NCOA7: variants seen among roughly 807,000 people sequenced by gnomAD.
NCOA7 encodes the protein nuclear receptor coactivator 7, also known as 140 kDa estrogen receptor-associated protein.
NCOA7 carries 45 observed loss-of-function variants against 104.3 expected under a neutral mutation model. The observed-to-expected ratio is 0.43, with a 90% CI of 0.34 to 0.55. The LOEUF is 0.55. Ranked by LOEUF, NCOA7 falls within the 20% of genes least tolerant of loss-of-function variation. The pLI, the probability that NCOA7 is intolerant of heterozygous loss-of-function variation, is 0.02. For missense variants in NCOA7, 1,041 were observed against 1,119.7 expected (o/e 0.93, Z 1.00); for synonymous variants, 398 against 402.3 (o/e 0.99, Z 0.13).
At chr6:125,882,324 T>C (rs949480761) in intron 6 of NCOA7, 102 bp from the exon 7 acceptor site, 12 of 1,187,340 alleles carry the variant, frequency 1.0e-5, no homozygotes, top group African/African-American at 1.6e-5. Flanking sequence ...TCCACTTAAA[T>C]AGAAATAGTA....
intron 5 of NCOA7, among the ~76,000 whole-genome samples, 194 bp from the exon 6 acceptor site, chr6:125,880,896 C>T (rs1368279003): frequency 2.6e-5 from 4 of 152,258 alleles, no homozygotes; most frequent in East Asian, 1.9e-4. Context: ...CTTTGTACTA[C>T]ACACATTCAT....
chr6:125,827,694 C>T (rs766894822), intron 2 of NCOA7, among the ~76,000 whole-genome samples: 3 of 152,130 alleles, frequency 2.0e-5, no homozygotes, highest in South Asian at 2.1e-4. Flanking sequence ...GAGGGAAGGA[C>T]GGGAATATTC....
chr6:125,897,813 G>A (rs542488588), intron 10 of NCOA7, among the ~76,000 whole-genome samples: 7 of 152,252 alleles, frequency 4.6e-5, no homozygotes, highest in African/African-American at 1.4e-4. Context: ...CCAAGTAGCT[G>A]GCATTACAGG....
chr6:125,916,655 A>G (rs1474124015), intron 11 of NCOA7, among the ~76,000 whole-genome samples: 1 of 152,144 alleles, frequency 6.6e-6, no homozygotes, highest in East Asian at 1.9e-4. Flanking sequence ...CATCCTTACC[A>G]GGACTCCTGA....
chr6:125,926,441 A>G (rs1423893859), intron 13 of NCOA7, among the ~76,000 whole-genome samples: 3 of 152,086 alleles, frequency 2.0e-5, no homozygotes, highest in South Asian at 2.1e-4. Context: ...TCTTCCACGT[A>G]TTTGTCATAT....
chr6:125,828,562 A>T (rs1778863311), intron 2 of NCOA7, among the ~76,000 whole-genome samples: 1 of 152,186 alleles, frequency 6.6e-6, no homozygotes, highest in South Asian at 2.1e-4. Context: ...AAGATGGAAG[A>T]GGAAGAGGAG....
chr6:125,838,514 TC>T (rs1779826700), intron 2 of NCOA7, among the ~76,000 whole-genome samples: 1 of 152,152 alleles, frequency 6.6e-6, no homozygotes, highest in South Asian at 2.1e-4. Flanking sequence ...CAGGGGTACT[TC>T]TGTTTGCAAG....
At chr6:125,828,323 G>A (rs1298647550) in intron 2 of NCOA7, among the ~76,000 whole-genome samples, 1 of 152,146 alleles carries the variant, frequency 6.6e-6, no homozygotes, top group Admixed American at 6.5e-5. Context: ...ATTAAGATGA[G>A]GACTGCAAAG....
At chr6:125,887,824 A>G (rs904008048) in intron 8 of NCOA7, among the ~76,000 whole-genome samples, 3 of 152,336 alleles carry the variant, frequency 2.0e-5, no homozygotes, top group Middle Eastern at 3.4e-3. Flanking sequence ...TCAACCCAGT[A>G]ATAGTACTAC....
rs558713338 is a variant in NCOA7, at chr6:125,890,803, C to T, written c.2089C>T (p.Arg697Trp). ...GCCAGAGTACTGGTTTGCTGTTCCT[C>T]GGGAGAGGTGAGTATGGGCTACAAT... ...KQPEYWFAVP[R>W]ERVDHLYTFF... The change falls in exon 10 of 16, where the codon CGG (arginine) becomes TGG (tryptophan). Residue 697 changes from arginine (R) to tryptophan (W), a missense_variant. By Grantham distance (101) the Arg-to-Trp change is moderately radical. This residue lies in a region of NCOA7 where 914 missense variants were observed against 942.7 expected (regional missense o/e 0.97). Transcript: ENST00000392477. 1.2e-5 allele frequency: 19 copies of T among 1,605,898 alleles called. No individual in the cohort carries two copies. Among genetic ancestry groups the T allele is most frequent in the Middle Eastern group, 1.7e-4 (1 of 6,024 alleles).
rs767747792 is a variant in NCOA7 at position 125,885,369 on chromosome 6, A to G, written c.884+26A>G. 5 of 1,606,782 alleles carry G rather than the reference A, an allele frequency of 3.1e-6. No individual in the cohort carries two copies. The Admixed American group carries it at 5.0e-5, about 16-fold the overall frequency. ...GTAAGACATTTATTTGTTTACCAGG[A>G]AAAAAGGGGTGTTGAGAGAGCTAAA... On this transcript the variant is annotated intron_variant, in intron 8 of 15. Transcript: ENST00000392477.
At chr6:125,794,295 G>A (rs996176019) in intron 1 of NCOA7, among the ~76,000 whole-genome samples, 1 of 152,070 alleles carries the variant, frequency 6.6e-6, no homozygotes, top group Non-Finnish European at 1.5e-5. Flanking sequence ...GTTTGTGTGT[G>A]TTCTTTTCAT....
chr6:125,851,640 G>A (rs777358173), intron 2 of NCOA7, among the ~76,000 whole-genome samples: 3 of 152,142 alleles, frequency 2.0e-5, no homozygotes, highest in Non-Finnish European at 2.9e-5. Context: ...GGATCGAATG[G>A]TAGATATACT....
At chr6:125,861,886 A>C (rs1481052979) in intron 3 of NCOA7, among the ~76,000 whole-genome samples, 1 of 150,536 alleles carries the variant, frequency 6.6e-6, no homozygotes, top group Non-Finnish European at 1.5e-5. Flanking sequence ...AAAATACAAA[A>C]ATTAGCTGGG....
At chr6:125,831,118 G>A (rs899722980) in intron 2 of NCOA7, among the ~76,000 whole-genome samples, 1 of 152,088 alleles carries the variant, frequency 6.6e-6, no homozygotes, top group Non-Finnish European at 1.5e-5. Context: ...AATAGTTATC[G>A]TTAAGTATTT....
intron 10 of NCOA7, among the ~76,000 whole-genome samples, chr6:125,897,411 A>C (rs1785119476): frequency 6.6e-6 from 1 of 152,236 alleles, no homozygotes; most frequent in Admixed American, 6.5e-5. Flanking sequence ...CTTAGTTCTT[A>C]GCTCTGTGTA....
chr6:125,808,864 T>C (rs557533349), intron 1 of NCOA7, among the ~76,000 whole-genome samples: 21 of 152,238 alleles, frequency 1.4e-4, no homozygotes, highest in Non-Finnish European at 2.8e-4. Context: ...GGAGATTTGA[T>C]GGCATCTCTT....
chr6:125,815,086 G>C lies in NCOA7; in HGVS notation c.-64-205G>C, dbSNP rs1471373599. On this transcript the variant is annotated intron_variant, in intron 1 of 15. Transcript: ENST00000392477. ...ATACTGCAGTTTGGTTTTCCATCAG[G>C]TTTTGCTTTATAGTTTAACATCTCC... 8 of 271,092 alleles carry C rather than the reference G, an allele frequency of 3.0e-5. No individual in the cohort carries two copies. In the East Asian group the frequency reaches 5.0e-4, roughly 17 times the overall value. 16.8% of individuals were successfully genotyped at this position (271,092 alleles called of 1,614,324 possible). A position where few individuals can be genotyped will look rare whatever the true frequency, so the allele number is the denominator to read the frequency against.
intron 10 of NCOA7, among the ~76,000 whole-genome samples, chr6:125,910,349 G>A (rs1430088103): frequency 6.6e-6 from 1 of 152,138 alleles, no homozygotes; most frequent in Non-Finnish European, 1.5e-5. Flanking sequence ...TTTATCCAGT[G>A]TGGCTATGCA....
Sources: allele counts gnomAD v4.1 joint callset (sites outside exome capture counted in the v4.1 genomes callset), GRCh38; gene constraint gnomAD v4.1.1; regional missense constraint gnomAD v4.1.1; transcripts MANE v1.5; gene names NCBI Gene and HGNC (gene_info 2026-07-23, HGNC 2026-07-21).